The following CREM variants were observed in gnomAD, a reference collection of about 807,000 sequenced individuals.
CREM encodes cAMP responsive element modulator.
CREM carries 13 observed loss-of-function variants against 37.3 expected under a neutral mutation model. The observed-to-expected ratio is 0.35, with a 90% CI of 0.23 to 0.55. CREM has a LOEUF of 0.55. CREM is among the 20% of genes least tolerant of loss of function. The pLI, the probability that CREM is intolerant of heterozygous loss-of-function variation, is 0.88. For missense variants in CREM, 296 were observed against 362.3 expected (o/e 0.82, Z 1.49); for synonymous variants, 124 against 120.2 (o/e 1.03, Z -0.21).
chr10:35,141,728 T>C (rs1215651001), intron 2 of CREM, among the ~76,000 whole-genome samples: 1 of 152,066 alleles, frequency 6.6e-6, no homozygotes, highest in East Asian at 1.9e-4. Context: ...GGCACTTGAA[T>C]CCAGAGAAAC....
At position 35,188,425 on chromosome 10, in the gene CREM, T is replaced by C. The variant is rs75679498; in HGVS notation, c.598+37T>C. 2.9e-3 allele frequency: 4,412 copies of C among 1,539,570 alleles called. 5 individuals are homozygous for C. Among genetic ancestry groups the C allele is most frequent in the Non-Finnish European group, 3.4e-3 (3,878 of 1,132,770 alleles). On this transcript the variant is annotated intron_variant, in intron 6 of 7. Coordinates refer to ENST00000685392, the MANE Select transcript of CREM (RefSeq NM_183011.2). ...TAATCTAATACATTTAGAATACCTA[T>C]GGATTACTATATCACACCATTGAGT...
At chr10:35,158,689 A>G (rs1479591278) in intron 3 of CREM, 5 of 153,350 alleles carry the variant, frequency 3.3e-5, no homozygotes, top group South Asian at 2.0e-4. Context: ...AGATGCTCTC[A>G]TGGAATATGA....
Position 35,148,414 on chromosome 10 carries a change from ACAG to A in CREM, c.93_95del (p.Ala32del). 1 of 1,613,738 alleles carries A rather than the reference ACAG, an allele frequency of 6.2e-7. No homozygotes were observed. The highest frequency in any genetic ancestry group is 1.1e-5 in the South Asian group (1 of 91,002). On this transcript the variant is annotated inframe_deletion, in exon 3 of 8. Coordinates refer to ENST00000685392, the MANE Select transcript of CREM (RefSeq NM_183011.2). ...TGAATCCCAGCATGATGGAAGTATA[ACAG>A]CTTCTTTGACAGAGAGCAAGTCTGC...
At chr10:35,189,169 G>C (rs890781169) in intron 6 of CREM, among the ~76,000 whole-genome samples, 3 of 145,490 alleles carry the variant, frequency 2.1e-5, no homozygotes, top group Non-Finnish European at 4.6e-5. Context: ...GCTGACTTTG[G>C]GTTTTTTGTT....
chr10:35,172,406 C>T (rs919881608), intron 3 of CREM, among the ~76,000 whole-genome samples: 3 of 152,072 alleles, frequency 2.0e-5, no homozygotes, highest in East Asian at 3.9e-4. Flanking sequence ...ACCATTTTCA[C>T]GGTGATGCTA....
intron 3 of CREM, among the ~76,000 whole-genome samples, chr10:35,153,855 C>G (rs1317257553): frequency 6.6e-6 from 1 of 152,174 alleles, no homozygotes; most frequent in Non-Finnish European, 1.5e-5. Context: ...TGATATAACA[C>G]TTAACCTCTC....
intron 3 of CREM, chr10:35,167,804 G>A: frequency 6.2e-7 from 1 of 1,613,150 alleles, no homozygotes; most frequent in Non-Finnish European, 8.5e-7. Context: ...GGAAGAAAAG[G>A]TAAATGATGT....
chr10:35,170,428 G>T (rs1442517035), intron 3 of CREM, among the ~76,000 whole-genome samples: 2 of 152,184 alleles, frequency 1.3e-5, no homozygotes, highest in African/African-American at 4.8e-5. Flanking sequence ...ATGAGTTAGG[G>T]AGGATTCCCT....
chr10:35,175,273 C>G (rs773875492), intron 3 of CREM, among the ~76,000 whole-genome samples: 2 of 152,184 alleles, frequency 1.3e-5, no homozygotes, highest in South Asian at 4.1e-4. Flanking sequence ...GGTGAAACCC[C>G]GTCTCTACTA....
At chr10:35,205,942 T>C (rs2134514941) in intron 6 of CREM, among the ~76,000 whole-genome samples, 1 of 141,542 alleles carries the variant, frequency 7.1e-6, no homozygotes, top group East Asian at 2.1e-4. Context: ...TGGAGCCACT[T>C]AGTGAGACTC....
At chr10:35,160,956 T>G (rs983265818) in intron 3 of CREM, among the ~76,000 whole-genome samples, 7 of 152,220 alleles carry the variant, frequency 4.6e-5, no homozygotes, top group African/African-American at 1.7e-4. Flanking sequence ...AGCTGTCATC[T>G]CTTATGACAG....
At chr10:35,138,431 T>C (rs2090927503) in intron 2 of CREM, among the ~76,000 whole-genome samples, 1 of 152,232 alleles carries the variant, frequency 6.6e-6, no homozygotes, top group African/African-American at 2.4e-5. Flanking sequence ...AATTGGATTC[T>C]ATTTTTAGAA....
At chr10:35,144,650 A>AT (rs1185787686) in intron 2 of CREM, among the ~76,000 whole-genome samples, 1 of 152,078 alleles carries the variant, frequency 6.6e-6, no homozygotes, top group Admixed American at 6.6e-5. Flanking sequence ...TTATCAAGAC[A>AT]TTTTCATGTA....
chr10:35,168,311 A>G (rs889562556), intron 3 of CREM, among the ~76,000 whole-genome samples: 1 of 152,148 alleles, frequency 6.6e-6, no homozygotes, highest in African/African-American at 2.4e-5. Context: ...GTGAGATGGT[A>G]TCTTATTGTG....
At chr10:35,171,096 G>A (rs944462404) in intron 3 of CREM, 1 of 146,072 alleles carries the variant, frequency 6.8e-6, no homozygotes, top group Non-Finnish European at 1.5e-5. Flanking sequence ...CTCCAGAATT[G>A]TAAGGATATG....
intron 1 of CREM, among the ~76,000 whole-genome samples, chr10:35,136,102 C>T (rs1018067291): frequency 1.3e-5 from 2 of 152,152 alleles, no homozygotes; most frequent in Non-Finnish European, 2.9e-5. Flanking sequence ...TGCTAGTTAC[C>T]TCTAGGAAGA....
intron 6 of CREM, among the ~76,000 whole-genome samples, chr10:35,200,595 G>A (rs2095355609): frequency 1.3e-5 from 2 of 152,146 alleles, no homozygotes; most frequent in African/African-American, 4.8e-5. Flanking sequence ...TTGGCAGTGT[G>A]GGATACCAGG....
At chr10:35,191,019 C>G (rs1175477154) in intron 6 of CREM, among the ~76,000 whole-genome samples, 1 of 152,024 alleles carries the variant, frequency 6.6e-6, no homozygotes, top group East Asian at 1.9e-4. Context: ...TTGACCTATC[C>G]CAAACCATAG....
rs138995704 is a variant in CREM at position 35,182,482 on chromosome 10, T to G, written c.409+3206T>G. On this transcript the variant is annotated intron_variant, in intron 5 of 7. Transcript: ENST00000685392. ...GGATGGCTTTCTCCCAAACTTTGCT[T>G]TTATTTCTTTTTTTCCAATATTTTA... Among the ~76,000 whole-genome samples the G allele has an allele frequency of 2.5e-3, 386 of 152,280 alleles. 3 individuals carry two copies. Among genetic ancestry groups the G allele is most frequent in the East Asian group, 0.023 (117 of 5,190 alleles).
Sources: gnomAD v4.1 joint callset for allele counts (sites outside exome capture counted in the v4.1 genomes callset) on GRCh38, gnomAD v4.1.1 for gene constraint, MANE v1.5 for transcripts, NCBI Gene and HGNC (gene_info 2026-07-23, HGNC 2026-07-21) for gene names.